The following PCDHGB1 variants were observed in gnomAD, a reference collection of about 807,000 sequenced individuals.
PCDHGB1 encodes protocadherin gamma-B1.
PCDHGB1 carries 34 observed loss-of-function variants against 56.6 expected under a neutral mutation model. That is an observed-to-expected ratio of 0.60 (90% confidence interval 0.46 to 0.80). PCDHGB1 has a LOEUF of 0.80. Among genes scored for constraint, PCDHGB1 ranks in the 30% least tolerant of loss-of-function variants. The probability of loss-of-function intolerance (pLI) is 0.00; values close to 1 mark genes in which losing one functional copy is unlikely to be tolerated. For synonymous variants in PCDHGB1, 561 were observed against 505.9 expected (o/e 1.11, Z -1.46); for missense variants, 1,278 against 1,204.6 (o/e 1.06, Z -0.90).
chr5:141,470,262 A>C (rs924170384), intron 1 of PCDHGB1, among the ~76,000 whole-genome samples: 2 of 152,126 alleles, frequency 1.3e-5, no homozygotes, highest in African/African-American at 4.8e-5. Context: ...CTAAATGGAG[A>C]TACATGTTTG....
chr5:141,360,751 A>G (rs1205028174), intron 1 of PCDHGB1: 1 of 1,614,000 alleles, frequency 6.2e-7, no homozygotes, highest in Non-Finnish European at 8.5e-7. Context: ...AGAAGAGCAC[A>G]GTTTACATCA....
At chr5:141,428,305 G>A (rs751498223) in intron 1 of PCDHGB1, 8 of 694,348 alleles carry the variant, frequency 1.2e-5, no homozygotes, top group African/African-American at 1.8e-5. Flanking sequence ...GATTTACCTG[G>A]TCGTGGCCTT....
At position 141,431,998 on chromosome 5, in the gene PCDHGB1, A is replaced by G. The variant is rs201105272; in HGVS notation, c.2410-62809A>G. The G allele has an allele frequency of 1.2e-6, 2 of 1,614,176 alleles. No homozygotes were observed. Among genetic ancestry groups the G allele is most frequent in the Admixed American group, 1.7e-5 (1 of 60,030 alleles). On this transcript the variant is annotated intron_variant, in intron 1 of 3. Coordinates refer to ENST00000523390, the MANE Select transcript of PCDHGB1 (RefSeq NM_018922.3). This position sits in a 1 kb window ranked among gnomAD's most constrained non-coding sequence, Gnocchi z 4.8. The stretch of plus-strand genomic sequence containing the variant: ...TCACAGACATAGTCTTGGATAGGGA[A>G]CAGGTTCCTAGCTACAACATCACAG...
Position 141,476,696 on chromosome 5 carries a change from G to T in PCDHGB1, c.2410-18111G>T, listed in dbSNP as rs750429892. ...GACGCGGGAGGACAGCACCAAGTAC[G>T]CGGAGCTGGTGTTGGAGCGCGCCCT... On this transcript the variant is annotated intron_variant, in intron 1 of 3. Transcript: ENST00000523390. This position sits in a 1 kb window ranked among gnomAD's most constrained non-coding sequence, Gnocchi z 7.6. 3 of 1,614,102 alleles carry T rather than the reference G, an allele frequency of 1.9e-6. No individual in the cohort carries two copies. The highest frequency in any genetic ancestry group is 2.5e-6 in the Non-Finnish European group (3 of 1,180,050).
chr5:141,466,674 T>C (rs2099127051), intron 1 of PCDHGB1, among the ~76,000 whole-genome samples: 1 of 152,222 alleles, frequency 6.6e-6, no homozygotes, highest in South Asian at 2.1e-4. Flanking sequence ...TTCACCGTTC[T>C]TCCACTCAAG....
chr5:141,399,813 G>T (rs985564503), intron 1 of PCDHGB1: 1 of 1,613,080 alleles, frequency 6.2e-7, no homozygotes, highest in Admixed American at 1.7e-5. Flanking sequence ...TGTACCCCGC[G>T]CTGGGTCCCG....
intron 1 of PCDHGB1, among the ~76,000 whole-genome samples, chr5:141,463,346 C>G (rs963070531): frequency 6.7e-6 from 1 of 150,312 alleles, no homozygotes; most frequent in Non-Finnish European, 1.5e-5. Context: ...TGGTGTTATT[C>G]TTGGATTTCC....
At chr5:141,356,702 T>G in intron 1 of PCDHGB1, 1 of 1,614,034 alleles carries the variant, frequency 6.2e-7, no homozygotes, top group Non-Finnish European at 8.5e-7. Flanking sequence ...GGTGCACCTC[T>G]GTCCTCCTAT....
In PCDHGB1 at chr5:141,350,895, T is replaced by C. The variant is rs746889815; in HGVS notation, c.635T>C (p.Met212Thr). The change falls in exon 1 of 4, where the codon ATG (methionine) becomes ACG (threonine). Residue 212 changes from methionine to threonine, a missense_variant. Coordinates refer to ENST00000523390, the MANE Select transcript of PCDHGB1 (RefSeq NM_018922.3). ...QSSHRLILTAMDGGDPPLSGT... is the reference protein window; with the variant it reads ...QSSHRLILTATDGGDPPLSGT... ...TCTCATCGCTTAATCCTGACTGCCATGGATGGCGGGGACCCGCCTCTAAGC... is the reference window on the plus strand; with the variant it reads ...TCTCATCGCTTAATCCTGACTGCCACGGATGGCGGGGACCCGCCTCTAAGC... 31 of 1,613,848 alleles carry C rather than the reference T, an allele frequency of 1.9e-5. No homozygotes were observed. The African/African-American group carries it at 2.5e-4, about 13-fold the overall frequency.
At chr5:141,357,358 C>G in intron 1 of PCDHGB1, 1 of 1,614,172 alleles carries the variant, frequency 6.2e-7, no homozygotes, top group Non-Finnish European at 8.5e-7. Flanking sequence ...GAGACGCTGG[C>G]ACAAGTCACG....
At position 141,374,995 on chromosome 5, in the gene PCDHGB1, T is replaced by C. The variant is rs551496415; in HGVS notation, c.2409+22326T>C. ...TTTTGACTGGAGAAATTTCAACTTC[T>C]GCAAATCTAGACTATGAGGACTCGA... On this transcript the variant is annotated intron_variant, in intron 1 of 3. Transcript: ENST00000523390. 4 of 1,613,956 alleles carry C rather than the reference T, an allele frequency of 2.5e-6. No individual in the cohort carries two copies. The Admixed American group carries it at 5.0e-5, about 20-fold the overall frequency.
intron 1 of PCDHGB1, chr5:141,360,421 T>A: frequency 6.2e-7 from 1 of 1,613,968 alleles, no homozygotes; most frequent in Non-Finnish European, 8.5e-7. Flanking sequence ...AGAACAGATA[T>A]GCGGGAAGCA....
intron 1 of PCDHGB1, chr5:141,383,307 A>G (rs1207101754): frequency 3.1e-6 from 5 of 1,613,874 alleles, no homozygotes; most frequent in Non-Finnish European, 4.2e-6. Flanking sequence ...TCTTGACGGA[A>G]GAAATAAATG....
At position 141,399,193 on chromosome 5, in the gene PCDHGB1, G is replaced by A. The variant is rs138699584; in HGVS notation, c.2409+46524G>A. ...TCTACTTGAAATGATTCTGGAAAAC[G>A]CGGTGCCTGGAACACTAATTGCTTT... is the stretch of plus-strand genomic sequence containing the variant. On this transcript the variant is annotated intron_variant, in intron 1 of 3. Transcript: ENST00000523390. The A allele has an allele frequency of 4.9e-3, 7,970 of 1,613,820 alleles. 45 individuals are homozygous for A. Among genetic ancestry groups the A allele is most frequent in the Admixed American group, 9.4e-3 (567 of 60,008 alleles).
intron 1 of PCDHGB1, among the ~76,000 whole-genome samples, chr5:141,443,191 A>G (rs2098371862): frequency 6.6e-6 from 1 of 152,122 alleles, no homozygotes; most frequent in Non-Finnish European, 1.5e-5. Flanking sequence ...CATTCTCTAT[A>G]GTACAAAGAG....
At chr5:141,397,904 G>A in intron 1 of PCDHGB1, 1 of 657,312 alleles carries the variant, frequency 1.5e-6, no homozygotes, top group Non-Finnish European at 2.5e-6. Flanking sequence ...TGCAGAGCTT[G>A]GCGCTCCAGA....
Position 141,510,964 on chromosome 5 carries a change from T to C in PCDHGB1, c.2575T>C (p.Ser859Pro), listed in dbSNP as rs1237904575. 6.2e-7 allele frequency: 1 copy of C among 1,614,084 alleles called. No individual in the cohort carries two copies. Among genetic ancestry groups the C allele is most frequent in the South Asian group, 1.1e-5 (1 of 91,082 alleles). The change falls in exon 4 of 4, where the codon TCC becomes CCC. Residue 859 changes from serine to proline, a missense_variant. Coordinates refer to ENST00000523390, the MANE Select transcript of PCDHGB1 (RefSeq NM_018922.3). ...CTCTGCAGAAGCTGCTGATGGGAGC[T>C]CCACCCTGGGAGGGGGTGCCGGCAC... is the stretch of plus-strand genomic sequence containing the variant. The part of the protein sequence containing the change: ...ASASEAADGS[S>P]TLGGGAGTMG...
chr5:141,476,714 C>A lies in PCDHGB1; in HGVS notation c.2410-18093C>A, dbSNP rs146188020. 1 of 1,614,154 alleles carries A rather than the reference C, an allele frequency of 6.2e-7. No homozygotes were observed. The highest frequency in any genetic ancestry group is 1.1e-5 in the South Asian group (1 of 91,078). ...CAAGTACGCGGAGCTGGTGTTGGAG[C>A]GCGCCCTGGACCGAGAACGGGAGCC... On this transcript the variant is annotated intron_variant, in intron 1 of 3. Transcript: ENST00000523390. This position sits in a 1 kb window ranked among gnomAD's most constrained non-coding sequence, Gnocchi z 7.6.
At chr5:141,395,423 C>A in intron 1 of PCDHGB1, 1 of 731,386 alleles carries the variant, frequency 1.4e-6, no homozygotes, top group Non-Finnish European at 2.1e-6. Context: ...GTTTCATTTG[C>A]TTTTAAACGA....
Sources: gnomAD v4.1 joint callset for allele counts (sites outside exome capture counted in the v4.1 genomes callset) on GRCh38, gnomAD v4.1.1 for gene constraint, Gnocchi (gnomAD v3.1) non-coding constraint, MANE v1.5 for transcripts, NCBI Gene and HGNC (gene_info 2026-07-23, HGNC 2026-07-21) for gene names.